The following CEP162 variants were observed in gnomAD, a reference collection of about 807,000 sequenced individuals.
The protein encoded by CEP162 is centrosomal protein 162, also known as centrosomal protein of 162 kDa.
Under a neutral mutation model 169.2 loss-of-function variants are expected in CEP162, and 141 were observed. The observed-to-expected ratio is 0.83, with a 90% CI of 0.73 to 0.96. The LOEUF (loss-of-function observed/expected upper bound fraction) is 0.96. Among genes scored for constraint, CEP162 ranks in the 40% least tolerant of loss-of-function variants. CEP162 has a pLI of 0.00. For missense variants in CEP162, 1,600 were observed against 1,587.2 expected (o/e 1.01, Z -0.14); for synonymous variants, 540 against 526.4 (o/e 1.03, Z -0.35).
At chr6:84,224,539 T>C (rs2099554965) in intron 2 of CEP162, among the ~76,000 whole-genome samples, 1 of 152,238 alleles carries the variant, frequency 6.6e-6, no homozygotes, top group African/African-American at 2.4e-5. Context: ...ATGTGAATTA[T>C]GTCTCAATAA....
At chr6:84,207,203 C>T (rs139415713) in intron 6 of CEP162, among the ~76,000 whole-genome samples, 5,784 of 152,228 alleles carry the variant, frequency 0.038, 171 homozygotes, top group Admixed American at 0.092. Flanking sequence ...TTTGACCCAG[C>T]GATCCCATTA....
At chr6:84,144,507 T>G (rs2099518021) in intron 25 of CEP162, among the ~76,000 whole-genome samples, 1 of 152,162 alleles carries the variant, frequency 6.6e-6, no homozygotes, top group South Asian at 2.1e-4. Flanking sequence ...TGTTTTACTG[T>G]TACTTTCCTA....
rs2099525880 is a variant in CEP162, at chr6:84,161,794, T to G, written c.2628A>C (p.Ala876=). 6 of 1,601,770 alleles carry G rather than the reference T, an allele frequency of 3.7e-6. No homozygotes were observed. The highest frequency in any genetic ancestry group is 1.7e-5 in the Admixed American group (1 of 58,420). Residue 876 remains alanine, a synonymous_variant, in exon 20 of 27, where the codon GCA becomes GCC. Transcript: ENST00000403245. ...AENQELLDKD[A]LRLREANEEI... is the part of the protein sequence containing the mutation. ...CCTCATTTGCTTCTCTAAGCCGAAGTGCATCTTTATCCAGAAGTTCCTGAT... is the reference window on the plus strand; with the variant it reads ...CCTCATTTGCTTCTCTAAGCCGAAGGGCATCTTTATCCAGAAGTTCCTGAT...
chr6:84,193,614 A>G lies in CEP162; in HGVS notation c.1104T>C (p.Pro368=). The change falls in exon 11 of 27, where the codon CCT becomes CCC. Residue 368 remains proline, a synonymous_variant. Coordinates refer to ENST00000403245, the MANE Select transcript of CEP162 (RefSeq NM_014895.4). ...SFGISGFDLQ[P]VSSEKVAERK... ...AATAAATAAAAAATTCATACCTGAC[A>G]GGTTGTAAATCAAAACCACTGATCC... The G allele has an allele frequency of 6.5e-7, 1 of 1,544,468 alleles. No individual in the cohort carries two copies. The highest frequency in any genetic ancestry group is 8.8e-7 in the Non-Finnish European group (1 of 1,138,790).
chr6:84,137,265 T>C (rs1403841175), intron 25 of CEP162, among the ~76,000 whole-genome samples: 1 of 152,208 alleles, frequency 6.6e-6, no homozygotes, highest in Non-Finnish European at 1.5e-5. Flanking sequence ...ATGCCAAGTG[T>C]GGCCTTATGG....
intron 13 of CEP162, among the ~76,000 whole-genome samples, chr6:84,177,662 A>G (rs1241965996): frequency 3.9e-5 from 6 of 152,090 alleles, no homozygotes; most frequent in Admixed American, 6.6e-5. Flanking sequence ...CAGCCTCCCA[A>G]GTAGCTGGGA....
chr6:84,163,005 A>T lies in CEP162; in HGVS notation c.2512+139T>A, dbSNP rs2099526392. On this transcript the variant is annotated intron_variant, in intron 19 of 26. Coordinates refer to ENST00000403245, the MANE Select transcript of CEP162 (RefSeq NM_014895.4). ...CAAATTCACACATCTTTTAATAACT[A>T]ATTTTAAAAAATGTTTCTAAAATTA... is the stretch of plus-strand genomic sequence containing the variant. 8 of 782,552 alleles carry T rather than the reference A, an allele frequency of 1.0e-5. No homozygotes were observed. In the South Asian group the frequency reaches 1.8e-4, roughly 18 times the overall value. The allele number at this position is 782,552 out of a possible 1,614,324, so 48.5% of individuals were successfully genotyped here.
intron 25 of CEP162, among the ~76,000 whole-genome samples, chr6:84,135,694 C>T (rs796375232): frequency 2.6e-5 from 4 of 152,214 alleles, no homozygotes; most frequent in African/African-American, 9.6e-5. Context: ...GAAACTCCAT[C>T]TCTACTAAAA....
At chr6:84,178,829 G>A (rs904607340) in intron 13 of CEP162, among the ~76,000 whole-genome samples, 2 of 152,016 alleles carry the variant, frequency 1.3e-5, no homozygotes, top group African/African-American at 2.4e-5. Context: ...CCCCACGACA[G>A]GCCCTGGTAT....
chr6:84,193,729 T>C, intron 10 of CEP162, 39 bp from the exon 11 acceptor site: 2 of 1,295,540 alleles, frequency 1.5e-6, no homozygotes, highest in South Asian at 1.4e-5. Flanking sequence ...AAAAATGTTA[T>C]GTAGGTTGCT....
intron 25 of CEP162, among the ~76,000 whole-genome samples, chr6:84,135,491 A>G (rs1371223700): frequency 1.3e-5 from 2 of 150,758 alleles, no homozygotes; most frequent in East Asian, 3.9e-4. Flanking sequence ...TTGTTCTCTT[A>G]CTTGTTGGTG....
intron 4 of CEP162, 69 bp from the exon 5 acceptor site, chr6:84,215,534 TTTA>T: frequency 1.6e-6 from 2 of 1,278,288 alleles, no homozygotes; most frequent in South Asian, 1.7e-5. Flanking sequence ...GAATGATGCA[TTTA>T]TTGACATTAT....
Position 84,163,282 on chromosome 6 carries a change from A to G in CEP162, c.2386-12T>C, listed in dbSNP as rs753868571. The stretch of plus-strand genomic sequence containing the variant: ...CTGTCTTTTTCTTTCTTGATATTCA[A>G]AAGAAATATAAAAGCAAGTTTTTTA... On this transcript the variant is annotated splice_polypyrimidine_tract_variant and intron_variant, in intron 18 of 26. Coordinates refer to ENST00000403245, the MANE Select transcript of CEP162 (RefSeq NM_014895.4). 4 of 1,588,558 alleles carry G rather than the reference A, an allele frequency of 2.5e-6. No individual in the cohort carries two copies. The highest frequency in any genetic ancestry group is 3.4e-5 in the Admixed American group (2 of 58,150).
intron 6 of CEP162, among the ~76,000 whole-genome samples, chr6:84,208,413 A>G (rs1432822563): frequency 6.6e-6 from 1 of 152,204 alleles, no homozygotes; most frequent in Non-Finnish European, 1.5e-5. Context: ...AAACTGCATC[A>G]CACTGAGAAA....
chr6:84,161,145 T>C (rs1421437499), intron 20 of CEP162, among the ~76,000 whole-genome samples: 2 of 152,080 alleles, frequency 1.3e-5, no homozygotes, highest in African/African-American at 4.8e-5. Flanking sequence ...CCCAAGATGC[T>C]TATGCTCTAG....
chr6:84,213,935 T>C (rs1241812954), intron 5 of CEP162, among the ~76,000 whole-genome samples: 2 of 152,136 alleles, frequency 1.3e-5, no homozygotes, highest in Non-Finnish European at 2.9e-5. Context: ...GCCATTTGGG[T>C]AACATTTCCG....
chr6:84,177,622 G>A (rs750001038), intron 13 of CEP162, among the ~76,000 whole-genome samples: 3 of 151,928 alleles, frequency 2.0e-5, no homozygotes, highest in East Asian at 1.9e-4. Flanking sequence ...TGCAACCTCC[G>A]CCTCCCAGAC....
At chr6:84,161,225 T>C (rs2099525645) in intron 20 of CEP162, among the ~76,000 whole-genome samples, 1 of 151,924 alleles carries the variant, frequency 6.6e-6, no homozygotes, top group African/African-American at 2.4e-5. Context: ...TTCAGAGTGG[T>C]AAGGGCTAAG....
intron 2 of CEP162, among the ~76,000 whole-genome samples, chr6:84,225,216 G>A (rs1279393369): frequency 6.6e-6 from 1 of 152,064 alleles, no homozygotes; most frequent in African/African-American, 2.4e-5. Context: ...TTTCATCATA[G>A]GAGCATCATA....
Sources: gnomAD v4.1 joint callset for allele counts (sites outside exome capture counted in the v4.1 genomes callset) on GRCh38, gnomAD v4.1.1 for gene constraint, MANE v1.5 for transcripts, NCBI Gene and HGNC (gene_info 2026-07-23, HGNC 2026-07-21) for gene names.